The following TRIM33 variants were observed in gnomAD, a reference collection of about 807,000 sequenced individuals.
TRIM33 encodes the protein E3 ubiquitin-protein ligase TRIM33.
In TRIM33, 20 loss-of-function variants were observed where a neutral mutation model predicts 125.4. The ratio of observed to expected loss-of-function variants is 0.16; its 90% CI spans 0.11 to 0.23. The LOEUF is 0.23. Ranked by LOEUF, TRIM33 falls within the 10% of genes least tolerant of loss-of-function variation. The probability of loss-of-function intolerance (pLI) is 1.00; values close to 1 mark genes in which losing one functional copy is unlikely to be tolerated. For synonymous variants in TRIM33, 564 were observed against 513.9 expected, an observed-to-expected ratio of 1.10 and a Z score of -1.32; for missense variants, 920 against 1,411.4, an observed-to-expected ratio of 0.65 and a Z score of 5.58.
At chr1:114,399,630 C>A (rs561597168) in intron 17 of TRIM33, 21 bp from the exon 18 acceptor site, 10 of 1,540,524 alleles carry the variant, frequency 6.5e-6, no homozygotes, top group African/African-American at 2.8e-5. Context: ...CACATAATGG[C>A]AAATAAGAAT....
chr1:114,487,723 C>T (rs1354283247), intron 1 of TRIM33, among the ~76,000 whole-genome samples: 1 of 149,886 alleles, frequency 6.7e-6, no homozygotes. Context: ...AGGTGAAACC[C>T]CGTCTCTACT....
At position 114,423,734 on chromosome 1, in the gene TRIM33, C is replaced by T. The variant is rs570377259; in HGVS notation, c.1860+857G>A. Among the ~76,000 whole-genome samples, 11 of 152,074 alleles carry T rather than the reference C, an allele frequency of 7.2e-5. No individual in the cohort carries two copies. The East Asian group carries it at 1.7e-3, about 24-fold the overall frequency. ...ATTATTTTAAAAAGCTCTTTCTGGG[C>T]GTACATGGACCAAAAAGTTGAAGGA... On this transcript the variant is annotated intron_variant, in intron 10 of 19. Coordinates refer to ENST00000358465, the MANE Select transcript of TRIM33 (RefSeq NM_015906.4).
At chr1:114,468,835 A>C (rs1469759520) in intron 1 of TRIM33, 1 of 282,792 alleles carries the variant, frequency 3.5e-6, no homozygotes, top group Non-Finnish European at 6.9e-6. Flanking sequence ...AATACACATA[A>C]GGAGCTACTG....
chr1:114,460,152 T>C (rs1649875574), intron 4 of TRIM33: 1 of 177,066 alleles, frequency 5.6e-6, no homozygotes, highest in Non-Finnish European at 1.3e-5. Flanking sequence ...TAGTCGAAGT[T>C]TGAAATATAT....
chr1:114,400,141 C>T (rs1201147403), intron 17 of TRIM33, among the ~76,000 whole-genome samples: 1 of 152,160 alleles, frequency 6.6e-6, no homozygotes, highest in Non-Finnish European at 1.5e-5. Flanking sequence ...GACCCCAACT[C>T]TGGCGAAAAA....
At chr1:114,496,469 T>C (rs1439375624) in intron 1 of TRIM33, among the ~76,000 whole-genome samples, 1 of 152,204 alleles carries the variant, frequency 6.6e-6, no homozygotes, top group African/African-American at 2.4e-5. Flanking sequence ...ATCTGATTCA[T>C]AACCAACACC....
At position 114,463,402 on chromosome 1, in the gene TRIM33, T is replaced by A; in HGVS notation, c.790+10A>T. Reference sequence around the variant, plus strand: ...TAATCATTGTAATGATTACAATGCATCTATCTTACCTGAGACATCTTCTTT... The same window carrying A: ...TAATCATTGTAATGATTACAATGCAACTATCTTACCTGAGACATCTTCTTT... On this transcript the variant is annotated intron_variant, in intron 3 of 19. Coordinates refer to ENST00000358465, the MANE Select transcript of TRIM33 (RefSeq NM_015906.4). The A allele has an allele frequency of 1.9e-6, 3 of 1,610,614 alleles. No homozygotes were observed. Among genetic ancestry groups the A allele is most frequent in the Non-Finnish European group, 2.5e-6 (3 of 1,177,834 alleles).
intron 1 of TRIM33, 152 bp downstream of exon 1, chr1:114,510,399 G>C: frequency 3.0e-6 from 2 of 658,260 alleles, no homozygotes; most frequent in East Asian, 3.3e-5. Context: ...AGCTTCTCTG[G>C]AAAGTGTCCC....
At chr1:114,405,276 C>G (rs916874888) in intron 15 of TRIM33, 134 bp downstream of exon 15, 102 of 655,718 alleles carry the variant, frequency 1.6e-4, no homozygotes, top group East Asian at 2.9e-4. Flanking sequence ...AAGCTAATAC[C>G]AAAAGAATAA....
chr1:114,457,269 G>C (rs1487249243), intron 4 of TRIM33, among the ~76,000 whole-genome samples: 1 of 152,102 alleles, frequency 6.6e-6, no homozygotes, highest in African/African-American at 2.4e-5. Context: ...CATGATTTTG[G>C]GAAGTGTCAG....
At chr1:114,445,600 C>T (rs985867937) in intron 4 of TRIM33, among the ~76,000 whole-genome samples, 5 of 151,982 alleles carry the variant, frequency 3.3e-5, no homozygotes, top group African/African-American at 9.7e-5. Context: ...ATCAGCTCAG[C>T]GAACGCCACA....
chr1:114,427,633 G>T, intron 7 of TRIM33, 115 bp downstream of exon 7: 1 of 1,043,974 alleles, frequency 9.6e-7, no homozygotes, highest in Non-Finnish European at 1.4e-6. Context: ...GTATCTTGAT[G>T]TGGTGGTGGT....
At position 114,427,766 on chromosome 1, in the gene TRIM33, T is replaced by C. The variant is rs766598361; in HGVS notation, c.1284A>G (p.Leu428=). 2.5e-6 allele frequency: 4 copies of C among 1,614,052 alleles called. No homozygotes were observed. Among genetic ancestry groups the C allele is most frequent in the Non-Finnish European group, 2.5e-6 (3 of 1,180,008 alleles). The change falls in exon 7 of 20, where the codon CTA becomes CTG. Residue 428 remains leucine, a synonymous_variant. Coordinates refer to ENST00000358465, the MANE Select transcript of TRIM33 (RefSeq NM_015906.4). The stretch of plus-strand genomic sequence containing the variant: ...GTCTCACCAGTCGCTTGCTGTATAG[T>C]AGTGCTGTGCTGCTGCCACTTGCAA... The part of the protein sequence containing the change: ...WAIASGSSTA[L]LYSKRLITFQ...
rs1335889804 is a variant in TRIM33 at position 114,393,729 on chromosome 1, A to AT, written c.*3918dup. On this transcript the variant is annotated 3_prime_UTR_variant, in exon 20 of 20. Transcript: ENST00000358465. ...TGTCTATGTAAACTGTGGCATATAAATTTTTTTCCTTAAAAAAGTACCTTC... is the reference window on the plus strand; with the variant it reads ...TGTCTATGTAAACTGTGGCATATAAATTTTTTTTCCTTAAAAAAGTACCTTC... 4.7e-6 allele frequency: 1 copy of AT among 211,628 alleles called. No homozygotes were observed. Among genetic ancestry groups the AT allele is most frequent in the Non-Finnish European group, 9.6e-6 (1 of 104,278 alleles). 13.1% of individuals were successfully genotyped at this position (211,628 alleles called of 1,614,324 possible). A position where few individuals can be genotyped will look rare whatever the true frequency, so the allele number is the denominator to read the frequency against.
intron 4 of TRIM33, among the ~76,000 whole-genome samples, chr1:114,439,468 CAAAAAAAAAAAA>C (rs59231995): frequency 3.0e-4 from 14 of 45,966 alleles, no homozygotes; most frequent in Admixed American, 6.5e-4. Flanking sequence ...GACTCTGTAT[CAAAAAAAAAAAA>C]AAAAAAAAAA....
chr1:114,413,626 T>TG (rs1652739150), intron 11 of TRIM33, among the ~76,000 whole-genome samples: 1 of 53,836 alleles, frequency 1.9e-5, no homozygotes, highest in Non-Finnish European at 3.6e-5. Context: ...AAAGCAAAAC[T>TG]GTAAAAAAAA....
In TRIM33 at chr1:114,423,983, AT is replaced by A. The variant is rs1647381340; in HGVS notation, c.1860+607del. On this transcript the variant is annotated intron_variant, in intron 10 of 19. Coordinates refer to ENST00000358465, the MANE Select transcript of TRIM33 (RefSeq NM_015906.4). The stretch of plus-strand genomic sequence containing the variant: ...GAAACATCATTCTAAGAGTTAAAAA[AT>A]AAACTCTATTATAACTAGAAATCCT... 3.3e-5 allele frequency among the ~76,000 whole-genome samples: 5 copies of A among 152,294 alleles called. No individual in the cohort carries two copies. In the South Asian group the frequency reaches 1.0e-3, roughly 32 times the overall value.
intron 1 of TRIM33, among the ~76,000 whole-genome samples, chr1:114,509,295 C>A (rs1653195517): frequency 2.0e-5 from 3 of 152,184 alleles, no homozygotes; most frequent in Admixed American, 2.0e-4. Context: ...AATTCAAAAG[C>A]TTTGAAATTT....
rs1222295033 is a variant in TRIM33, at chr1:114,393,431, A to C, written c.*4217T>G. 1 of 201,672 alleles carries C rather than the reference A, an allele frequency of 5.0e-6. No individual in the cohort carries two copies. Among genetic ancestry groups the C allele is most frequent in the Non-Finnish European group, 1.0e-5 (1 of 97,978 alleles). The allele number at this position is 201,672 out of a possible 1,614,324, so 12.5% of individuals were successfully genotyped here. A position where few individuals can be genotyped will look rare whatever the true frequency, so the allele number is the denominator to read the frequency against. ...TCATTTTGGTGCCTTCCCACACATA[A>C]ATTTGGTGAATTTAAAAGAGGAGCA... On this transcript the variant is annotated 3_prime_UTR_variant, in exon 20 of 20. Coordinates refer to ENST00000358465, the MANE Select transcript of TRIM33 (RefSeq NM_015906.4).
Sources: allele counts gnomAD v4.1 joint callset (sites outside exome capture counted in the v4.1 genomes callset), GRCh38; gene constraint gnomAD v4.1.1; transcripts MANE v1.5; gene names NCBI Gene and HGNC (gene_info 2026-07-23, HGNC 2026-07-21).